COL14A1: variants seen among roughly 807,000 people sequenced by gnomAD.
The protein encoded by COL14A1 is collagen alpha-1(XIV) chain.
Under a neutral mutation model 230.3 loss-of-function variants are expected in COL14A1, and 136 were observed. The observed-to-expected ratio is 0.59, with a 90% CI of 0.51 to 0.68. COL14A1 has a LOEUF of 0.68. Among genes scored for constraint, COL14A1 ranks in the 30% least tolerant of loss-of-function variants. COL14A1 has a pLI of 0.00. For synonymous variants in COL14A1, 792 were observed against 784.1 expected (o/e 1.01, Z -0.17); for missense variants, 1,976 against 2,215.8 (o/e 0.89, Z 2.17).
chr8:120,218,284 GATATATAAT>G lies in COL14A1; in HGVS notation c.1737+1810_1737+1818del, dbSNP rs1374607809. ...TCTATATATATATAATATATAAATA[GATATATAAT>G]ATATATAATATATATCATATATATA... is the stretch of plus-strand genomic sequence containing the variant. On this transcript the variant is annotated intron_variant, in intron 14 of 47. Coordinates refer to ENST00000297848, the MANE Select transcript of COL14A1 (RefSeq NM_021110.4). Among the ~76,000 whole-genome samples, 530 of 137,426 alleles carry G rather than the reference GATATATAAT, an allele frequency of 3.9e-3. 6 individuals are homozygous for G. Among genetic ancestry groups the G allele is most frequent in the African/African-American group, 0.013 (478 of 36,804 alleles). 90.2% of individuals were successfully genotyped at this position (137,426 alleles called of 152,430 possible).
chr8:120,303,920 T>G (rs1346033131), intron 36 of COL14A1, among the ~76,000 whole-genome samples: 1 of 152,158 alleles, frequency 6.6e-6, no homozygotes, highest in East Asian at 1.9e-4. Context: ...ATTTTAGACC[T>G]TGTTATTGGT....
intron 19 of COL14A1, chr8:120,231,964 A>T (rs1026894132): frequency 6.0e-6 from 1 of 165,870 alleles, no homozygotes; most frequent in African/African-American, 2.4e-5. Context: ...CATGTATAAA[A>T]GTTTAATATA....
intron 14 of COL14A1, among the ~76,000 whole-genome samples, chr8:120,219,915 G>A (rs1817876039): frequency 6.6e-6 from 1 of 152,058 alleles, no homozygotes; most frequent in South Asian, 2.1e-4. Context: ...ATGAAGATTT[G>A]AGAAAATTTT....
intron 45 of COL14A1, among the ~76,000 whole-genome samples, chr8:120,364,912 G>GA (rs1222078239): frequency 2.6e-5 from 4 of 151,100 alleles, no homozygotes; most frequent in Non-Finnish European, 4.4e-5. Flanking sequence ...AGAAAAGAAA[G>GA]AAAAAAAGAA....
At chr8:120,357,839 C>A (rs1053554270) in intron 45 of COL14A1, among the ~76,000 whole-genome samples, 1 of 152,088 alleles carries the variant, frequency 6.6e-6, no homozygotes, top group Non-Finnish European at 1.5e-5. Flanking sequence ...CAGAGGGAAA[C>A]GCAAGATGCA....
Position 120,345,571 on chromosome 8 carries a change from G to A in COL14A1, c.5077+8G>A. On this transcript the variant is annotated splice_region_variant and intron_variant, in intron 45 of 47. Transcript: ENST00000297848. ...GGACCCCAGGAGAACGAGGTAAGCT[G>A]GGCCCCTTCTCTCAGAGGAACTCCT... The A allele has an allele frequency of 6.6e-7, 1 of 1,523,382 alleles. No individual in the cohort carries two copies. The highest frequency in any genetic ancestry group is 1.3e-5 in the South Asian group (1 of 77,758). The allele number at this position is 1,523,382 out of a possible 1,614,324, so 94.4% of individuals were successfully genotyped here. A position where few individuals can be genotyped will look rare whatever the true frequency, so the allele number is the denominator to read the frequency against.
chr8:120,271,408 C>T (rs1396265137), intron 26 of COL14A1, among the ~76,000 whole-genome samples: 1 of 151,012 alleles, frequency 6.6e-6, no homozygotes, highest in African/African-American at 2.4e-5. Context: ...AGAAAAGGGA[C>T]AGAGACAGAT....
At chr8:120,156,040 TAGAA>T (rs1194149723) in intron 2 of COL14A1, among the ~76,000 whole-genome samples, 2 of 152,194 alleles carry the variant, frequency 1.3e-5, no homozygotes, top group African/African-American at 2.4e-5. Flanking sequence ...AAAGGACAAA[TAGAA>T]AGAAAATCTA....
chr8:120,169,010 C>T lies in COL14A1; in HGVS notation c.436+763C>T, dbSNP rs976267101. Reference sequence around the variant, plus strand: ...AGCTGGGATTACAGGTGCGTGCCACCATGCCCAGCTAATTTTTGTATTTTT... The same window carrying T: ...AGCTGGGATTACAGGTGCGTGCCACTATGCCCAGCTAATTTTTGTATTTTT... On this transcript the variant is annotated intron_variant, in intron 5 of 47. Coordinates refer to ENST00000297848, the MANE Select transcript of COL14A1 (RefSeq NM_021110.4). Among the ~76,000 whole-genome samples, 8 of 152,188 alleles carry T rather than the reference C, an allele frequency of 5.3e-5. No homozygotes were observed. The East Asian group carries it at 1.4e-3, about 26-fold the overall frequency.
intron 32 of COL14A1, 62 bp from the exon 33 acceptor site, chr8:120,285,799 T>G: frequency 8.9e-7 from 1 of 1,122,812 alleles, no homozygotes; most frequent in South Asian, 1.5e-5. Flanking sequence ...GAGTTGAATT[T>G]TAGAAAACAA....
chr8:120,165,929 C>T (rs545369153), intron 4 of COL14A1, among the ~76,000 whole-genome samples: 124 of 152,220 alleles, frequency 8.1e-4, no homozygotes, highest in African/African-American at 2.9e-3. Flanking sequence ...CCCTGGGTTT[C>T]TCTGAGGAGA....
rs1563669813 is a variant in COL14A1 at position 120,203,721 on chromosome 8, CG to C, written c.892del (p.Asp298MetfsTer2). The C allele has an allele frequency of 1.2e-6, 2 of 1,613,680 alleles. No homozygotes were observed. Among genetic ancestry groups the C allele is most frequent in the South Asian group, 2.2e-5 (2 of 91,040 alleles). The part of the protein sequence containing the change: ...VELFAIGVKN[A>X]DVNELQEIAS... ...TCCTCTGTGTAAGGGGTGAAAAACG[CG>C]GATGTGAATGAGCTGCAGGAGATCG... On this transcript the variant is annotated frameshift_variant, in exon 9 of 48. Transcript: ENST00000297848. LOFTEE classifies it high-confidence loss of function.
At chr8:120,200,910 T>C (rs948448634) in intron 8 of COL14A1, among the ~76,000 whole-genome samples, 1 of 151,362 alleles carries the variant, frequency 6.6e-6, no homozygotes, top group Non-Finnish European at 1.5e-5. Context: ...TCCTACAGCA[T>C]CTCTAAGCAG....
chr8:120,143,490 G>T (rs910325216), intron 1 of COL14A1, among the ~76,000 whole-genome samples: 1 of 152,072 alleles, frequency 6.6e-6, no homozygotes, highest in African/African-American at 2.4e-5. Flanking sequence ...AAATTGGCCG[G>T]GCGTGGTGCA....
intron 19 of COL14A1, 49 bp from the exon 20 acceptor site, chr8:120,243,830 A>G: frequency 6.3e-7 from 1 of 1,597,080 alleles, no homozygotes; most frequent in Non-Finnish European, 8.5e-7. Context: ...TTACCAAATC[A>G]GTGGAAACGG....
chr8:120,222,098 A>G (rs1353953562), intron 14 of COL14A1, among the ~76,000 whole-genome samples: 1 of 152,228 alleles, frequency 6.6e-6, no homozygotes, highest in African/African-American at 2.4e-5. Context: ...AGTCCTGTGT[A>G]CTAGCTGTTT....
intron 24 of COL14A1, 97 bp downstream of exon 24, chr8:120,263,111 T>C: frequency 6.1e-6 from 8 of 1,310,206 alleles, no homozygotes; most frequent in Non-Finnish European, 8.2e-6. Flanking sequence ...ATATTAGCTA[T>C]TGCTGTTCAG....
chr8:120,168,207 T>C lies in COL14A1; in HGVS notation c.396T>C (p.Val132=), dbSNP rs894905967. Residue 132 remains valine (V), a synonymous_variant, in exon 5 of 48, where the codon GTT becomes GTC. Transcript: ENST00000297848. ...KRKDPKPRVK[V]VDRGNGSRPS... ...AGGATCCAAAGCCCAGAGTCAAAGT[T>C]GTGGACAGAGGAAATGGGAGTAGAC... The C allele has an allele frequency of 1.9e-6, 3 of 1,613,060 alleles. No individual in the cohort carries two copies. The highest frequency in any genetic ancestry group is 1.7e-4 in the Middle Eastern group (1 of 6,048).
intron 13 of COL14A1, chr8:120,214,049 G>A (rs539006143): frequency 2.5e-4 from 68 of 274,982 alleles, no homozygotes; most frequent in African/African-American, 1.1e-3. Flanking sequence ...ATCATGCTTC[G>A]TGGCTATGGC....
Sources: allele counts gnomAD v4.1 joint callset (sites outside exome capture counted in the v4.1 genomes callset), GRCh38; gene constraint gnomAD v4.1.1; transcripts MANE v1.5; gene names NCBI Gene and HGNC (gene_info 2026-07-23, HGNC 2026-07-21).